RPP38: variants seen among roughly 807,000 people sequenced by gnomAD.
The protein encoded by RPP38 is ribonuclease P protein subunit p38.
In RPP38, 2 loss-of-function variants were observed where a neutral mutation model predicts 1.7. The observed-to-expected ratio is 1.18, with a 90% CI of 0.48 to 3.70. RPP38 has a LOEUF of 3.70. Among genes scored for constraint, RPP38 ranks in the 30% most tolerant of loss-of-function variants. The pLI is 0.07. For missense variants in RPP38, 358 were observed against 340.1 expected, an observed-to-expected ratio of 1.05 and a Z score of -0.41; for synonymous variants, 151 against 131.8, an observed-to-expected ratio of 1.15 and a Z score of -1.00.
intron 1 of RPP38, among the ~76,000 whole-genome samples, chr10:15,098,311 G>A (rs1331625381): frequency 3.9e-5 from 5 of 127,308 alleles, no homozygotes; most frequent in Non-Finnish European, 7.8e-5. Context: ...TGCAACCTCC[G>A]CCTGCCGGGT....
intron 1 of RPP38, among the ~76,000 whole-genome samples, chr10:15,099,341 G>C (rs1474308914): frequency 5.3e-5 from 8 of 152,166 alleles, no homozygotes; most frequent in Non-Finnish European, 1.2e-4. Flanking sequence ...TGTCACATTA[G>C]AGTTTAGGCG....
At chr10:15,101,210 G>T (rs749892521) in intron 1 of RPP38, among the ~76,000 whole-genome samples, 1 of 152,230 alleles carries the variant, frequency 6.6e-6, no homozygotes, top group Non-Finnish European at 1.5e-5. Flanking sequence ...TAGGAATGCT[G>T]TAAGAAGCAA....
At chr10:15,101,978 G>A (rs1214794664) in intron 1 of RPP38, among the ~76,000 whole-genome samples, 1 of 152,176 alleles carries the variant, frequency 6.6e-6, no homozygotes, top group Admixed American at 6.6e-5. Context: ...CTGGGAGGTG[G>A]GGAGACTTAC....
chr10:15,100,534 A>G (rs748632303), intron 1 of RPP38, among the ~76,000 whole-genome samples: 1 of 151,800 alleles, frequency 6.6e-6, no homozygotes, highest in Non-Finnish European at 1.5e-5. Flanking sequence ...TAAGGAGCTG[A>G]ATTTGGCTTT....
At chr10:15,100,181 T>C (rs146269830) in intron 1 of RPP38, among the ~76,000 whole-genome samples, 2 of 152,350 alleles carry the variant, frequency 1.3e-5, no homozygotes, top group East Asian at 1.9e-4. Context: ...ATAGCCTGTT[T>C]TGTGATCCCT....
rs767888248 is a variant in RPP38 at position 15,103,824 on chromosome 10, C to A, written c.510C>A (p.Pro170=). 6.2e-7 allele frequency: 1 copy of A among 1,614,110 alleles called. No homozygotes were observed. The highest frequency in any genetic ancestry group is 1.7e-5 in the Admixed American group (1 of 60,008). ...CCCGGCTCAGTGAGAGAATCGCCCC[C>A]GTCATTGGCTTAAAATGTGTTCTAG... ...QVPRLSERIA[P]VIGLKCVLAL... is the part of the protein sequence containing the mutation. The change falls in exon 3 of 3, where the codon CCC becomes CCA. Residue 170 remains proline, a synonymous_variant. Transcript: ENST00000378197.
chr10:15,103,807 A>T lies in RPP38; in HGVS notation c.493A>T (p.Ser165Cys), dbSNP rs776312823. 7.7e-5 allele frequency: 124 copies of T among 1,613,986 alleles called. No individual in the cohort carries two copies. The highest frequency in any genetic ancestry group is 1.0e-4 in the Non-Finnish European group (119 of 1,180,048). ...CCCTGCCTGTCAGGTCCCCCGGCTC[A>T]GTGAGAGAATCGCCCCCGTCATTGG... is the stretch of plus-strand genomic sequence containing the variant. ...SVPACQVPRL[S>C]ERIAPVIGLK... Residue 165 changes from serine to cysteine, a missense_variant, in exon 3 of 3, where the codon AGT (serine) becomes TGT (cysteine). By Grantham distance (112) the Ser-to-Cys change is moderately radical. Transcript: ENST00000378197.
At chr10:15,101,211 T>TA (rs1386655736) in intron 1 of RPP38, among the ~76,000 whole-genome samples, 1 of 152,250 alleles carries the variant, frequency 6.6e-6, no homozygotes, top group African/African-American at 2.4e-5. Flanking sequence ...AGGAATGCTG[T>TA]AAGAAGCAAA....
Position 15,103,870 on chromosome 10 carries a change from A to T in RPP38, c.556A>T (p.Thr186Ser), listed in dbSNP as rs556577548. Residue 186 changes from threonine to serine, a missense_variant, in exon 3 of 3, where the codon ACC (threonine) becomes TCC (serine). Thr to Ser is a moderately conservative substitution (Grantham distance 58). Transcript: ENST00000378197. ...CVLALAFKKN[T>S]TDFVDEVRAI... ...TCTAGCCTTGGCGTTCAAAAAGAACACCACTGACTTTGTGGACGAAGTAAG... is the reference window on the plus strand; with the variant it reads ...TCTAGCCTTGGCGTTCAAAAAGAACTCCACTGACTTTGTGGACGAAGTAAG... 6.2e-7 allele frequency: 1 copy of T among 1,614,172 alleles called. No individual in the cohort carries two copies. The highest frequency in any genetic ancestry group is 2.2e-5 in the East Asian group (1 of 44,884).
At chr10:15,097,879 C>T (rs1284903937) in intron 1 of RPP38, 113 bp downstream of exon 1, 3 of 152,266 alleles carry the variant, frequency 2.0e-5, no homozygotes, top group East Asian at 1.9e-4. Flanking sequence ...CCGTTCTCAA[C>T]TTTACTTCCA....
intron 1 of RPP38, among the ~76,000 whole-genome samples, chr10:15,097,972 A>G (rs1844991788): frequency 6.6e-6 from 1 of 152,028 alleles, no homozygotes; most frequent in Admixed American, 6.6e-5. Flanking sequence ...CGGCGTCTCT[A>G]GTGCAGGCCA....
rs745482956 is a variant in RPP38, at chr10:15,103,969, T to C, written c.655T>C (p.Leu219=). The part of the protein sequence containing the change: ...QDRIEDSGEN[L]ETEPLESQDR... ...CAGAATTGAAGATTCTGGGGAAAAT[T>C]TAGAGACTGAACCTCTGGAAAGCCA... Residue 219 remains leucine, a synonymous_variant, in exon 3 of 3, where the codon TTA becomes CTA. Transcript: ENST00000378197. 7 of 1,614,074 alleles carry C rather than the reference T, an allele frequency of 4.3e-6. No homozygotes were observed. In the East Asian group the frequency reaches 1.6e-4, roughly 36 times the overall value.
rs1845213553 is a variant in RPP38, at chr10:15,103,998, C to G, written c.684C>G (p.Asp228Glu). ...AGACTGAACCTCTGGAAAGCCAAGACAGAGAGCTTTTGGACACTTCATTTG... is the reference window on the plus strand; with the variant it reads ...AGACTGAACCTCTGGAAAGCCAAGAGAGAGAGCTTTTGGACACTTCATTTG... ...NLETEPLESQ[D>E]RELLDTSFED... The change falls in exon 3 of 3, where the codon GAC becomes GAG. Residue 228 changes from aspartate to glutamate, a missense_variant. Coordinates refer to ENST00000378197, the MANE Select transcript of RPP38 (RefSeq NM_183005.5). 7 of 1,614,094 alleles carry G rather than the reference C, an allele frequency of 4.3e-6. No individual in the cohort carries two copies. Among genetic ancestry groups the G allele is most frequent in the Non-Finnish European group, 5.9e-6 (7 of 1,180,002 alleles).
Position 15,103,415 on chromosome 10 carries a change from G to A in RPP38, c.101G>A (p.Ser34Asn). Reference protein sequence around the residue: ...SLNNPYIIRWSALESEDMHFI... With the variant: ...SLNNPYIIRWNALESEDMHFI... ...AACAACCCATACATCATCCGCTGGA[G>A]CGCTCTGGAGAGCGAGGATATGCAC... The change falls in exon 3 of 3, where the codon AGC becomes AAC. Residue 34 changes from serine (S) to asparagine (N), a missense_variant. Transcript: ENST00000378197. The A allele has an allele frequency of 2.5e-6, 4 of 1,614,084 alleles. No homozygotes were observed. The highest frequency in any genetic ancestry group is 3.4e-6 in the Non-Finnish European group (4 of 1,179,914).
At chr10:15,102,042 G>T (rs1424134343) in intron 1 of RPP38, among the ~76,000 whole-genome samples, 176 bp from the exon 2 acceptor site, 2 of 152,286 alleles carry the variant, frequency 1.3e-5, no homozygotes, top group African/African-American at 2.4e-5. Context: ...TGACTGTTCA[G>T]TTCTTTAAAA....
intron 1 of RPP38, among the ~76,000 whole-genome samples, chr10:15,099,256 G>A (rs1845047154): frequency 6.6e-6 from 1 of 152,156 alleles, no homozygotes; most frequent in African/African-American, 2.4e-5. Context: ...CGGTGTTGAG[G>A]ACTTGTGCTT....
chr10:15,099,875 C>T lies in RPP38; in HGVS notation c.-130+2109C>T, dbSNP rs114805899. 2.8e-3 allele frequency among the ~76,000 whole-genome samples: 428 copies of T among 152,272 alleles called. 4 individuals are homozygous for T. The highest frequency in any genetic ancestry group is 9.9e-3 in the African/African-American group (413 of 41,544). On this transcript the variant is annotated intron_variant, in intron 1 of 2. Transcript: ENST00000378197. ...GCATGAGGCTGAGGTGGGAGGATTG[C>T]TTGAACCCAGAAGTTCAAGGCTGCA...
rs1286136132 is a variant in RPP38, at chr10:15,103,583, T to C, written c.269T>C (p.Leu90Pro). The change falls in exon 3 of 3, where the codon CTG becomes CCG. Residue 90 changes from leucine (L) to proline (P), a missense_variant. Coordinates refer to ENST00000378197, the MANE Select transcript of RPP38 (RefSeq NM_183005.5). ...ATTGCTGTTGATATTAGTGAGAATC[T>C]GAAGGAGAAGAAAACAGATGCTAAG... Reference protein sequence around the residue: ...CSIAVDISENLKEKKTDAKQQ... With the variant: ...CSIAVDISENPKEKKTDAKQQ... The C allele has an allele frequency of 3.1e-6, 5 of 1,613,896 alleles. No homozygotes were observed. The Admixed American group carries it at 8.3e-5, about 27-fold the overall frequency.
rs368661573 is a variant in RPP38, at chr10:15,104,019, A to C, written c.705A>C (p.Ser235=). Residue 235 remains serine, a synonymous_variant, in exon 3 of 3, where the codon TCA becomes TCC. Coordinates refer to ENST00000378197, the MANE Select transcript of RPP38 (RefSeq NM_183005.5). ...ESQDRELLDT[S]FEDLSKPKRK... ...AAGACAGAGAGCTTTTGGACACTTC[A>C]TTTGAAGATCTGTCAAAACCTAAGA... 1.2e-6 allele frequency: 2 copies of C among 1,614,184 alleles called. No homozygotes were observed. Among genetic ancestry groups the C allele is most frequent in the South Asian group, 2.2e-5 (2 of 91,064 alleles).
Sources: gnomAD v4.1 joint callset for allele counts (sites outside exome capture counted in the v4.1 genomes callset) on GRCh38, gnomAD v4.1.1 for gene constraint, MANE v1.5 for transcripts, NCBI Gene and HGNC (gene_info 2026-07-23, HGNC 2026-07-21) for gene names.